The following AQP5 variants were observed in gnomAD, a reference collection of about 807,000 sequenced individuals.
The protein encoded by AQP5 is aquaporin 5.
Under a neutral mutation model 19.1 loss-of-function variants are expected in AQP5, and 15 were observed. That is an observed-to-expected ratio of 0.79 (90% CI 0.53 to 1.21). The LOEUF is 1.21. Among genes scored for constraint, AQP5 ranks in the 50% most tolerant of loss-of-function variants. The probability of loss-of-function intolerance (pLI) is 0.00; values close to 1 mark genes in which losing one functional copy is unlikely to be tolerated. For synonymous variants in AQP5, 182 were observed against 160.3 expected, an observed-to-expected ratio of 1.14 and a Z score of -1.02; for missense variants, 355 against 357.1, an observed-to-expected ratio of 0.99 and a Z score of 0.05.
rs770912776 is a variant in AQP5, at chr12:49,961,976, G to C, written c.-42G>C. 1.2e-4 allele frequency: 155 copies of C among 1,293,352 alleles called. No homozygotes were observed. Among genetic ancestry groups the C allele is most frequent in the Non-Finnish European group, 1.5e-4 (150 of 1,012,858 alleles). The allele number at this position is 1,293,352 out of a possible 1,614,324, so 80.1% of individuals were successfully genotyped here. A position where few individuals can be genotyped will look rare whatever the true frequency, so the allele number is the denominator to read the frequency against. On this transcript the variant is annotated 5_prime_UTR_variant, in exon 1 of 4. Coordinates refer to ENST00000293599, the MANE Select transcript of AQP5 (RefSeq NM_001651.4). ...CTCCGCCGCCTGCGACCCAACGGGC[G>C]CCCCCCGCCGCGGCAGCTGCCGCCG... is the stretch of plus-strand genomic sequence containing the variant.
intron 3 of AQP5, chr12:49,964,620 C>T (rs529350118): frequency 1.0e-6 from 1 of 984,686 alleles, no homozygotes; most frequent in Non-Finnish European, 1.2e-6. Flanking sequence ...TGGTCACTCT[C>T]TCCAGGGTCT....
In AQP5 at chr12:49,965,127, G is replaced by A. The variant is rs1356790425; in HGVS notation, c.748G>A (p.Glu250Lys). Residue 250 changes from glutamate (E) to lysine (K), a missense_variant, in exon 4 of 4, where the codon GAG becomes AAG. Glu to Lys is a moderately conservative substitution (Grantham distance 56). Transcript: ENST00000293599. ...KGTYEPDEDW[E>K]EQREERKKTM... ...CACGTATGAGCCTGACGAGGACTGGGAGGAGCAGCGGGAAGAGCGGAAGAA... is the reference window on the plus strand; with the variant it reads ...CACGTATGAGCCTGACGAGGACTGGAAGGAGCAGCGGGAAGAGCGGAAGAA... The A allele has an allele frequency of 1.9e-6, 3 of 1,613,926 alleles. No individual in the cohort carries two copies. The highest frequency in any genetic ancestry group is 2.2e-5 in the East Asian group (1 of 44,878).
chr12:49,964,846 G>A (rs1947472122), intron 3 of AQP5, 146 bp from the exon 4 acceptor site: 2 of 1,441,748 alleles, frequency 1.4e-6, no homozygotes, highest in Non-Finnish European at 9.1e-7. Context: ...TCCCCGAGGT[G>A]GGAGGAAGTC....
chr12:49,964,841 G>A (rs186523887), intron 3 of AQP5, 151 bp from the exon 4 acceptor site: 290 of 1,432,100 alleles, frequency 2.0e-4, no homozygotes, highest in African/African-American at 1.3e-3. Flanking sequence ...ATTCGTCCCC[G>A]AGGTGGGAGG....
intron 3 of AQP5, 59 bp from the exon 4 acceptor site, chr12:49,964,933 G>A (rs1947473078): frequency 7.0e-6 from 11 of 1,566,034 alleles, no homozygotes; most frequent in East Asian, 2.2e-5. Context: ...TGGGGTGGGG[G>A]GCATGTGGTC....
intron 3 of AQP5, chr12:49,964,638 T>A (rs936719831): frequency 1.3e-5 from 13 of 985,192 alleles, no homozygotes; most frequent in Non-Finnish European, 1.6e-5. Context: ...TCTGCTTCTA[T>A]CCCTGCGTGG....
chr12:49,965,354 G>T lies in AQP5; in HGVS notation c.*177G>T. On this transcript the variant is annotated 3_prime_UTR_variant, in exon 4 of 4. Transcript: ENST00000293599. Reference sequence around the variant, plus strand: ...AGGAACCCATGATGGGACTCCTGGGGTAGGGGCCAGGGGCTGGGGTCTGCT... The same window carrying T: ...AGGAACCCATGATGGGACTCCTGGGTTAGGGGCCAGGGGCTGGGGTCTGCT... 1.4e-6 allele frequency: 1 copy of T among 738,070 alleles called. No homozygotes were observed. The highest frequency in any genetic ancestry group is 2.1e-6 in the Non-Finnish European group (1 of 474,264). The allele number at this position is 738,070 out of a possible 1,614,324, so 45.7% of individuals were successfully genotyped here.
chr12:49,963,954 C>G (rs760410146), intron 2 of AQP5, 138 bp from the exon 3 acceptor site: 61 of 895,642 alleles, frequency 6.8e-5, no homozygotes, highest in Non-Finnish European at 9.7e-5. Context: ...CAGCTGGGAT[C>G]CTTGGAGGGA....
At chr12:49,963,389 C>T (rs1331532450) in intron 1 of AQP5, 103 bp from the exon 2 acceptor site, 2 of 1,489,710 alleles carry the variant, frequency 1.3e-6, no homozygotes, top group East Asian at 2.3e-5. Context: ...TTCCAGGTGC[C>T]AAGGTGCTCT....
intron 2 of AQP5, 36 bp downstream of exon 2, chr12:49,963,692 G>A: frequency 6.3e-7 from 1 of 1,597,080 alleles, no homozygotes. Flanking sequence ...GGTGAGGGTG[G>A]GGCAGGCACT....
In AQP5 at chr12:49,962,199, G is replaced by A; in HGVS notation, c.182G>A (p.Gly61Glu). Residue 61 changes from glycine to glutamate, a missense_variant, in exon 1 of 4, where the codon GGA becomes GAA. Physicochemically the swap from Gly to Glu is moderately conservative, Grantham distance 98. Transcript: ENST00000293599. The part of the protein sequence containing the change: ...LAIGTLAQAL[G>E]PVSGGHINPA... ...ATAGGCACGCTGGCCCAGGCCCTGGGACCCGTGAGCGGCGGCCACATCAAC... is the reference window on the plus strand; with the variant it reads ...ATAGGCACGCTGGCCCAGGCCCTGGAACCCGTGAGCGGCGGCCACATCAAC... The A allele has an allele frequency of 6.2e-7, 1 of 1,608,422 alleles. No individual in the cohort carries two copies. Among genetic ancestry groups the A allele is most frequent in the Non-Finnish European group, 8.5e-7 (1 of 1,179,806 alleles).
At chr12:49,964,726 G>A (rs981883757) in intron 3 of AQP5, 183 of 985,336 alleles carry the variant, frequency 1.9e-4, no homozygotes, top group African/African-American at 5.2e-4. Flanking sequence ...TTCTCTTTCC[G>A]GTGTGGTTGG....
At position 49,962,378 on chromosome 12, in the gene AQP5, G is replaced by C; in HGVS notation, c.361G>C (p.Ala121Pro). Residue 121 changes from alanine (A) to proline (P), a missense_variant and splice_region_variant, in exon 1 of 4, where the codon GCG (alanine) becomes CCG (proline). Coordinates refer to ENST00000293599, the MANE Select transcript of AQP5 (RefSeq NM_001651.4). ...LNARGNLAVN[A>P]LNNNTTQGQA... ...TGCCCGGGGCAATCTGGCCGTCAAC[G>C]CGGTGAGTGCCCTGGGGGGGGGGTG... 1 of 1,527,184 alleles carries C rather than the reference G, an allele frequency of 6.5e-7. No homozygotes were observed. The highest frequency in any genetic ancestry group is 8.7e-7 in the Non-Finnish European group (1 of 1,146,360). The allele number at this position is 1,527,184 out of a possible 1,614,324, so 94.6% of individuals were successfully genotyped here. A position where few individuals can be genotyped will look rare whatever the true frequency, so the allele number is the denominator to read the frequency against.
At chr12:49,963,960 A>G in intron 2 of AQP5, 132 bp from the exon 3 acceptor site, 1 of 925,534 alleles carries the variant, frequency 1.1e-6, no homozygotes, top group Non-Finnish European at 1.7e-6. Context: ...GGATCCTTGG[A>G]GGGAGAGGTT....
chr12:49,963,428 T>G, intron 1 of AQP5, 64 bp from the exon 2 acceptor site: 1 of 1,581,190 alleles, frequency 6.3e-7, no homozygotes, highest in Non-Finnish European at 8.6e-7. Context: ...AAAGCCCTAC[T>G]CCCCGAGCCC....
rs1017623344 is a variant in AQP5 at position 49,962,395 on chromosome 12, G to T, written c.363+15G>T. 12 of 1,388,226 alleles carry T rather than the reference G, an allele frequency of 8.6e-6. No individual in the cohort carries two copies. The highest frequency in any genetic ancestry group is 5.0e-5 in the South Asian group (4 of 80,100). 86.0% of individuals were successfully genotyped at this position (1,388,226 alleles called of 1,614,324 possible). The stretch of plus-strand genomic sequence containing the variant: ...CCGTCAACGCGGTGAGTGCCCTGGG[G>T]GGGGGGTGGGAGCCTCGACCCTGGG... On this transcript the variant is annotated intron_variant, in intron 1 of 3. Transcript: ENST00000293599.
chr12:49,962,524 G>T, intron 1 of AQP5, 144 bp downstream of exon 1: 1 of 1,271,842 alleles, frequency 7.9e-7, no homozygotes, highest in Non-Finnish European at 1.0e-6. Flanking sequence ...CCCAAGGCCA[G>T]GAAGGCAACT....
rs773870635 is a variant in AQP5, at chr12:49,962,399, G to GA, written c.363+19_363+20insA. On this transcript the variant is annotated intron_variant, in intron 1 of 3. Transcript: ENST00000293599. The stretch of plus-strand genomic sequence containing the variant: ...CAACGCGGTGAGTGCCCTGGGGGGG[G>GA]GGTGGGAGCCTCGACCCTGGGGTGG... 2.3e-6 allele frequency: 3 copies of GA among 1,331,546 alleles called. No individual in the cohort carries two copies. The African/African-American group carries it at 4.4e-5, about 20-fold the overall frequency. 82.5% of individuals were successfully genotyped at this position (1,331,546 alleles called of 1,614,324 possible). A position where few individuals can be genotyped will look rare whatever the true frequency, so the allele number is the denominator to read the frequency against.
Position 49,965,256 on chromosome 12 carries a change from T to C in AQP5, c.*79T>C, listed in dbSNP as rs1947477718. 7.0e-7 allele frequency: 1 copy of C among 1,424,276 alleles called. No homozygotes were observed. The highest frequency in any genetic ancestry group is 2.7e-5 in the Admixed American group (1 of 37,066). 88.2% of individuals were successfully genotyped at this position (1,424,276 alleles called of 1,614,324 possible). Reference sequence around the variant, plus strand: ...GAAAAAGTACCTAACACAAGCTTCCTTTTTGCACAACCGGTCCTCTTGGCT... The same window carrying C: ...GAAAAAGTACCTAACACAAGCTTCCCTTTTGCACAACCGGTCCTCTTGGCT... On this transcript the variant is annotated 3_prime_UTR_variant, in exon 4 of 4. Coordinates refer to ENST00000293599, the MANE Select transcript of AQP5 (RefSeq NM_001651.4).
Sources: gnomAD v4.1 joint callset for allele counts on GRCh38, gnomAD v4.1.1 for gene constraint, MANE v1.5 for transcripts, NCBI Gene and HGNC (gene_info 2026-07-23, HGNC 2026-07-21) for gene names.